ARIH2: variants seen among roughly 807,000 people sequenced by gnomAD.
ARIH2 encodes ariadne RBR E3 ubiquitin protein ligase 2.
A neutral mutation model predicts 79.8 loss-of-function variants in ARIH2; 12 were observed. That is an observed-to-expected ratio of 0.15 (90% CI 0.10 to 0.24). The LOEUF (loss-of-function observed/expected upper bound fraction) is 0.24, where lower values mean the gene tolerates loss of function less well. ARIH2 is among the 10% of genes least tolerant of loss of function. ARIH2 has a pLI of 1.00. For missense variants in ARIH2, 301 were observed against 618.3 expected (o/e 0.49, Z 5.44); for synonymous variants, 224 against 213.9 (o/e 1.05, Z -0.41).
chr3:48,980,266 C>T (rs775391937), intron 12 of ARIH2, 87 bp from the exon 13 acceptor site: 15 of 1,412,066 alleles, frequency 1.1e-5, no homozygotes, highest in Non-Finnish European at 1.5e-5. Flanking sequence ...CATGTCCTGC[C>T]AGCAAGGTGT....
At position 48,933,316 on chromosome 3, in the gene ARIH2, G is replaced by T. The variant is rs57380425; in HGVS notation, c.255+5503G>T. 1.0e-2 allele frequency among the ~76,000 whole-genome samples: 1,401 copies of T among 140,190 alleles called. 15 individuals are homozygous for T. Among genetic ancestry groups the T allele is most frequent in the African/African-American group, 0.035 (1,336 of 37,642 alleles). The allele number at this position is 140,190 out of a possible 152,430, so 92.0% of individuals were successfully genotyped here. On this transcript the variant is annotated intron_variant, in intron 3 of 15. Transcript: ENST00000356401. Reference sequence around the variant, plus strand: ...CACAGGTGCGCACCACATGCCCGGGGGTGTGTGTGTGTGTGTGTGTGTTTT... The same window carrying T: ...CACAGGTGCGCACCACATGCCCGGGTGTGTGTGTGTGTGTGTGTGTGTTTT...
At chr3:48,980,800 C>G (rs1261925026) in intron 13 of ARIH2, among the ~76,000 whole-genome samples, 1 of 151,866 alleles carries the variant, frequency 6.6e-6, no homozygotes, top group Admixed American at 6.6e-5. Context: ...ATTGTCTGAT[C>G]ACTTGAGGTC....
chr3:48,928,384 G>A (rs2085918560), intron 3 of ARIH2, among the ~76,000 whole-genome samples: 1 of 152,166 alleles, frequency 6.6e-6, no homozygotes, highest in South Asian at 2.1e-4. Flanking sequence ...CCATCAGCAA[G>A]CATTTTATTT....
At chr3:48,949,608 C>T (rs1450641445) in intron 3 of ARIH2, among the ~76,000 whole-genome samples, 1 of 152,156 alleles carries the variant, frequency 6.6e-6, no homozygotes, top group Non-Finnish European at 1.5e-5. Flanking sequence ...GTGTCATTAA[C>T]CACTAATGTA....
chr3:48,920,155 AT>A (rs1193764665), intron 1 of ARIH2, among the ~76,000 whole-genome samples: 4 of 151,422 alleles, frequency 2.6e-5, no homozygotes, highest in Non-Finnish European at 5.9e-5. Flanking sequence ...AATTTGTAAA[AT>A]TTTTTGTGGA....
intron 3 of ARIH2, among the ~76,000 whole-genome samples, chr3:48,943,798 G>A (rs951878886): frequency 2.6e-5 from 4 of 152,090 alleles, no homozygotes; most frequent in African/African-American, 7.2e-5. Flanking sequence ...TGGAGAAGAT[G>A]GTACTACCAT....
At chr3:48,926,248 TGTGTGTGTGTGTGTGTGTATGTGTGTAC>T (rs1208212779) in intron 2 of ARIH2, among the ~76,000 whole-genome samples, 2 of 147,972 alleles carry the variant, frequency 1.4e-5, no homozygotes, top group African/African-American at 5.3e-5. Context: ...CCCTCGTGTG[TGTGTGTGTGTGTGTGTGTATGTGTGTAC>T]GTGTGTGTGT....
At chr3:48,941,761 T>A (rs2088287514) in intron 3 of ARIH2, among the ~76,000 whole-genome samples, 1 of 149,676 alleles carries the variant, frequency 6.7e-6, no homozygotes, top group South Asian at 2.1e-4. Context: ...CCCGGCTAAT[T>A]TTTTGTATTT....
At chr3:48,955,780 A>G (rs2090503362) in intron 3 of ARIH2, among the ~76,000 whole-genome samples, 1 of 152,230 alleles carries the variant, frequency 6.6e-6, no homozygotes, top group Non-Finnish European at 1.5e-5. Context: ...CAAGGTGGCC[A>G]CTGCTTCCTC....
At chr3:48,980,582 A>T in intron 13 of ARIH2, 86 bp downstream of exon 13, 1 of 1,495,096 alleles carries the variant, frequency 6.7e-7, no homozygotes. Context: ...GCTCTGTTGA[A>T]AGAGGGTATT....
chr3:48,979,603 C>T lies in ARIH2; in HGVS notation c.1083C>T (p.Ala361=), dbSNP rs1227146476. The T allele has an allele frequency of 1.2e-6, 2 of 1,614,166 alleles. No homozygotes were observed. Among genetic ancestry groups the T allele is most frequent in the African/African-American group, 2.7e-5 (2 of 75,048 alleles). ...NQSQQAQARE[A]LKKYLFYFER... is the part of the protein sequence containing the mutation. ...GCCAACAAGCCCAGGCGAGGGAAGC[C>T]CTCAAGAAGTACTTATTCTACTTTG... is the stretch of plus-strand genomic sequence containing the variant. Residue 361 remains alanine, a synonymous_variant, in exon 12 of 16, where the codon GCC becomes GCT. Coordinates refer to ENST00000356401, the MANE Select transcript of ARIH2 (RefSeq NM_006321.4).
At chr3:48,942,513 T>C (rs2088454541) in intron 3 of ARIH2, among the ~76,000 whole-genome samples, 1 of 149,214 alleles carries the variant, frequency 6.7e-6, no homozygotes, top group Non-Finnish European at 1.5e-5. Flanking sequence ...CCTTTTCACT[T>C]TTTTTTTTTT....
rs147450334 is a variant in ARIH2, at chr3:48,966,199, T to A, written c.388-926T>A. Among the ~76,000 whole-genome samples the A allele has an allele frequency of 1.3e-3, 196 of 152,296 alleles. 6 individuals are homozygous for A. In the East Asian group the frequency reaches 0.036, roughly 28 times the overall value. On this transcript the variant is annotated intron_variant, in intron 5 of 15. Transcript: ENST00000356401. ...TGAATGAGGGCCATGCTAAAATAGATCTTGGAAGGCAGAATTGGGGCTCAG... is the reference window on the plus strand; with the variant it reads ...TGAATGAGGGCCATGCTAAAATAGAACTTGGAAGGCAGAATTGGGGCTCAG...
chr3:48,929,697 G>C (rs1050155255), intron 3 of ARIH2, among the ~76,000 whole-genome samples: 2 of 152,176 alleles, frequency 1.3e-5, no homozygotes, highest in Non-Finnish European at 2.9e-5. Context: ...AGCAATAACT[G>C]TCTTGTACCT....
chr3:48,983,391 A>G lies in ARIH2; in HGVS notation c.*121A>G. On this transcript the variant is annotated 3_prime_UTR_variant, in exon 16 of 16. Coordinates refer to ENST00000356401, the MANE Select transcript of ARIH2 (RefSeq NM_006321.4). Reference sequence around the variant, plus strand: ...GGCAACAGCCAGGGCCCCACTCCTGAGAGACACTGGCAACACCTCTTAGTT... The same window carrying G: ...GGCAACAGCCAGGGCCCCACTCCTGGGAGACACTGGCAACACCTCTTAGTT... 2.2e-6 allele frequency: 2 copies of G among 893,030 alleles called. No individual in the cohort carries two copies. Among genetic ancestry groups the G allele is most frequent in the Non-Finnish European group, 3.7e-6 (2 of 544,772 alleles). The allele number at this position is 893,030 out of a possible 1,614,324, so 55.3% of individuals were successfully genotyped here.
intron 3 of ARIH2, among the ~76,000 whole-genome samples, chr3:48,947,519 CTT>C (rs2089356835): frequency 6.6e-6 from 1 of 151,040 alleles, no homozygotes; most frequent in Non-Finnish European, 1.5e-5. Context: ...ATGGAAATGA[CTT>C]TATACTAGCA....
intron 11 of ARIH2, among the ~76,000 whole-genome samples, chr3:48,975,682 A>G (rs6782560): frequency 0.031 from 4,728 of 151,014 alleles, 110 homozygotes; most frequent in Non-Finnish European, 0.049. Flanking sequence ...CTCCTGCCTC[A>G]GCCTTCCAAA....
chr3:48,980,058 C>T (rs1158857501), intron 12 of ARIH2: 7 of 269,618 alleles, frequency 2.6e-5, no homozygotes, highest in Middle Eastern at 2.1e-3. Flanking sequence ...GCCCAAAGAG[C>T]CCCATGCATA....
intron 14 of ARIH2, among the ~76,000 whole-genome samples, chr3:48,982,542 A>T (rs981931248): frequency 1.3e-5 from 2 of 152,198 alleles, no homozygotes; most frequent in Non-Finnish European, 2.9e-5. Context: ...GGACTGAAAA[A>T]AATGAAGTGA....
Sources: gnomAD v4.1 joint callset for allele counts (sites outside exome capture counted in the v4.1 genomes callset) on GRCh38, gnomAD v4.1.1 for gene constraint, MANE v1.5 for transcripts, NCBI Gene and HGNC (gene_info 2026-07-23, HGNC 2026-07-21) for gene names.